Variants in KIF3C observed in about 807,000 individuals in gnomAD.
KIF3C encodes the protein kinesin family member 3C, also known as kinesin-like protein KIF3C.
In KIF3C, 12 loss-of-function variants were observed where a neutral mutation model predicts 67.7. The observed-to-expected ratio is 0.18, with a 90% CI of 0.11 to 0.29. The LOEUF is 0.29. KIF3C is among the 10% of genes least tolerant of loss of function. KIF3C has a pLI of 1.00. For missense variants in KIF3C, 789 were observed against 1,059.6 expected (o/e 0.74, Z 3.55); for synonymous variants, 393 against 426.2 (o/e 0.92, Z 0.96).
At chr2:25,975,026 C>CAAAAAAAAAAA (rs1196962529) in intron 1 of KIF3C, among the ~76,000 whole-genome samples, 10 of 116,516 alleles carry the variant, frequency 8.6e-5, no homozygotes, top group African/African-American at 1.5e-4. Flanking sequence ...AACTCCATCT[C>CAAAAAAAAAAA]AAAAAAAAAA....
intron 1 of KIF3C, among the ~76,000 whole-genome samples, chr2:25,962,863 ATATATAT>A (rs1664000945): frequency 2.6e-5 from 2 of 77,240 alleles, no homozygotes; most frequent in African/African-American, 1.2e-4. Context: ...ATAATATATA[ATATATAT>A]AATATATAAA....
intron 1 of KIF3C, among the ~76,000 whole-genome samples, chr2:25,961,797 G>A (rs1445193191): frequency 6.6e-6 from 1 of 152,118 alleles, no homozygotes; most frequent in East Asian, 1.9e-4. Flanking sequence ...AGAGAAGGGA[G>A]GCTTAGGCCG....
intron 1 of KIF3C, 105 bp from the exon 2 acceptor site, chr2:25,956,549 AC>A: frequency 1.2e-6 from 1 of 800,834 alleles, no homozygotes; most frequent in Non-Finnish European, 2.1e-6. Flanking sequence ...GGGAGTGGAC[AC>A]CAGATGTGTC....
In KIF3C at chr2:25,954,388, G is replaced by A. The variant is rs1663746787; in HGVS notation, c.1771-3C>T. 1 of 1,611,334 alleles carries A rather than the reference G, an allele frequency of 6.2e-7. No homozygotes were observed. Among genetic ancestry groups the A allele is most frequent in the African/African-American group, 1.3e-5 (1 of 74,856 alleles). On this transcript the variant is annotated splice_polypyrimidine_tract_variant and splice_region_variant and intron_variant, in intron 3 of 7. Transcript: ENST00000264712. ...ACCGCCTGCAGCTTGGCGTAGAGCT[G>A]GGTGGGGACAGGTGCCACTCAGAGG... is the stretch of plus-strand genomic sequence containing the variant.
chr2:25,934,696 T>C (rs1049071887), intron 5 of KIF3C, among the ~76,000 whole-genome samples: 6 of 152,164 alleles, frequency 3.9e-5, no homozygotes, highest in Non-Finnish European at 7.3e-5. Flanking sequence ...AAAAATCCAC[T>C]GAATTGTACA....
At chr2:25,944,048 TTTC>T (rs1221113032) in intron 5 of KIF3C, among the ~76,000 whole-genome samples, 15 of 151,672 alleles carry the variant, frequency 9.9e-5, no homozygotes, top group Admixed American at 7.3e-4. Context: ...TATTTCTTTC[TTTC>T]TTTTTTTTTT....
rs1664359743 is a variant in KIF3C, at chr2:25,974,428, T to C, written c.1545+5945A>G. Among the ~76,000 whole-genome samples, 2 of 151,990 alleles carry C rather than the reference T, an allele frequency of 1.3e-5. 1 individual carries two copies. Among genetic ancestry groups the C allele is most frequent in the South Asian group, 4.2e-4 (2 of 4,812 alleles). On this transcript the variant is annotated intron_variant, in intron 1 of 7. Coordinates refer to ENST00000264712, the MANE Select transcript of KIF3C (RefSeq NM_002254.8). ...ATTGCCCAGACTGGTCTTGAATTCC[T>C]GGGCTCAAGTGATCCTCCTGCTTCT...
chr2:25,976,331 T>C (rs1032660978), intron 1 of KIF3C, among the ~76,000 whole-genome samples: 5 of 152,314 alleles, frequency 3.3e-5, no homozygotes, highest in Middle Eastern at 3.4e-3. Flanking sequence ...GACCTTCTTA[T>C]TGGGGATCAC....
Position 25,963,152 on chromosome 2 carries a change from G to GTGTGTGTGTGTA in KIF3C, c.1546-6709_1546-6708insTACACACACACA, listed in dbSNP as rs1276834145. Among the ~76,000 whole-genome samples, 13 of 83,164 alleles carry GTGTGTGTGTGTA rather than the reference G, an allele frequency of 1.6e-4. 1 individual carries two copies. The highest frequency in any genetic ancestry group is 4.8e-4 in the African/African-American group (9 of 18,808). The allele number at this position is 83,164 out of a possible 152,430, so 54.6% of individuals were successfully genotyped here. On this transcript the variant is annotated intron_variant, in intron 1 of 7. Transcript: ENST00000264712. ...TATGTATATATATGCATATATGTGT[G>GTGTGTGTGTGTA]TGTGTGTATGTATGTGTGTGTGTAT...
At chr2:25,976,049 C>T (rs1664406130) in intron 1 of KIF3C, among the ~76,000 whole-genome samples, 1 of 152,148 alleles carries the variant, frequency 6.6e-6, no homozygotes, top group African/African-American at 2.4e-5. Flanking sequence ...GCACTTGGCA[C>T]AAAGCAAGTG....
intron 5 of KIF3C, 44 bp downstream of exon 5, chr2:25,951,745 G>C (rs1334910002): frequency 7.3e-7 from 1 of 1,364,458 alleles, no homozygotes; most frequent in Non-Finnish European, 1.0e-6. Flanking sequence ...ACCTGGAGTG[G>C]ACCCACAAGT....
At chr2:25,942,416 T>C (rs72803678) in intron 5 of KIF3C, among the ~76,000 whole-genome samples, 1 of 42,692 alleles carries the variant, frequency 2.3e-5, no homozygotes, top group Non-Finnish European at 5.0e-5. Flanking sequence ...CAAAAAAAAA[T>C]TTTTTTTTTT....
intron 1 of KIF3C, among the ~76,000 whole-genome samples, chr2:25,966,896 T>C (rs1157752499): frequency 6.6e-6 from 1 of 152,210 alleles, no homozygotes; most frequent in Non-Finnish European, 1.5e-5. Context: ...ATAATGGTTA[T>C]GATCCCCATT....
rs1159264465 is a variant in KIF3C, at chr2:25,982,409, G to A, written c.-492C>T. 2 of 398,504 alleles carry A rather than the reference G, an allele frequency of 5.0e-6. No individual in the cohort carries two copies. The highest frequency in any genetic ancestry group is 8.8e-6 in the Non-Finnish European group (2 of 226,052). 24.7% of individuals were successfully genotyped at this position (398,504 alleles called of 1,614,324 possible). ...TCACCTGGAGTCCTCCCCCCAAGCT[G>A]GGGGATCATTCATTGCAGCCAGCGC... On this transcript the variant is annotated 5_prime_UTR_variant, in exon 1 of 8. An upstream open reading frame in the 5' UTR gains an earlier in-frame stop. Coordinates refer to ENST00000264712, the MANE Select transcript of KIF3C (RefSeq NM_002254.8).
In KIF3C at chr2:25,954,284, G is replaced by C. The variant is rs147256637; in HGVS notation, c.1872C>G (p.Thr624=). The C allele has an allele frequency of 6.2e-7, 1 of 1,613,790 alleles. No homozygotes were observed. The highest frequency in any genetic ancestry group is 1.1e-5 in the South Asian group (1 of 91,076). ...QDLEEAQNEQ[T]RELKLKYLII... ...GGCCCTACTTGAGCTTGAGTTCGCG[G>C]GTCTGCTCGTTCTGCGCCTCCTCCA... is the stretch of plus-strand genomic sequence containing the variant. The change falls in exon 4 of 8, where the codon ACC becomes ACG. Residue 624 remains threonine (T), a synonymous_variant. Coordinates refer to ENST00000264712, the MANE Select transcript of KIF3C (RefSeq NM_002254.8).
chr2:25,953,090 G>C (rs578132525), intron 4 of KIF3C, among the ~76,000 whole-genome samples: 1 of 151,488 alleles, frequency 6.6e-6, no homozygotes, highest in African/African-American at 2.4e-5. Context: ...CCAACATGGC[G>C]AAACTCCATC....
intron 5 of KIF3C, among the ~76,000 whole-genome samples, chr2:25,931,700 C>T (rs966929020): frequency 3.3e-5 from 5 of 151,472 alleles, no homozygotes; most frequent in Non-Finnish European, 4.4e-5. Context: ...TGCAGTGGTG[C>T]GATCTCAGTT....
intron 1 of KIF3C, among the ~76,000 whole-genome samples, chr2:25,964,998 C>T (rs888523240): frequency 3.9e-5 from 6 of 152,182 alleles, no homozygotes; most frequent in African/African-American, 7.2e-5. Flanking sequence ...ATCTCTCCTG[C>T]GGGCTGGGCC....
chr2:25,954,359 C>T lies in KIF3C; in HGVS notation c.1797G>A (p.Lys599=), dbSNP rs1395577693. Residue 599 remains lysine, a synonymous_variant, in exon 4 of 8, where the codon AAG becomes AAA. Transcript: ENST00000264712. ...CATCATGCTGGTCCTGGATCTCCGC[C>T]TTCACCGCCTGCAGCTTGGCGTAGA... ...KKLYAKLQAV[K]AEIQDQHDEY... 2 of 1,613,866 alleles carry T rather than the reference C, an allele frequency of 1.2e-6. No individual in the cohort carries two copies. Among genetic ancestry groups the T allele is most frequent in the Non-Finnish European group, 8.5e-7 (1 of 1,180,004 alleles).
Sources: gnomAD v4.1 joint callset for allele counts (sites outside exome capture counted in the v4.1 genomes callset) on GRCh38, gnomAD v4.1.1 for gene constraint, MANE v1.5 for transcripts, NCBI Gene and HGNC (gene_info 2026-07-23, HGNC 2026-07-21) for gene names.